RFX3: variants seen among roughly 807,000 people sequenced by gnomAD.
The protein encoded by RFX3 is regulatory factor X3.
RFX3 carries 14 observed loss-of-function variants against 98.6 expected under a neutral mutation model. That is an observed-to-expected ratio of 0.14 (90% CI 0.09 to 0.22). The LOEUF (loss-of-function observed/expected upper bound fraction) is 0.22. Ranked by LOEUF, RFX3 falls within the 10% of genes least tolerant of loss-of-function variation. The pLI, the probability that RFX3 is intolerant of heterozygous loss-of-function variation, is 1.00. For missense variants in RFX3, 639 were observed against 926.9 expected, an observed-to-expected ratio of 0.69 and a Z score of 4.03; for synonymous variants, 383 against 328.4, an observed-to-expected ratio of 1.17 and a Z score of -1.80.
In RFX3 at chr9:3,525,926, A is replaced by G; in HGVS notation, c.-188T>C. ...AGGCAACGGTTGCTATAACTCACAA[A>G]AGAGAGAGAGAGAGGGAGAGAGAGA... is the stretch of plus-strand genomic sequence containing the variant. On this transcript the variant is annotated 5_prime_UTR_variant, in exon 1 of 17. Transcript: ENST00000617270. 6.3e-6 allele frequency: 6 copies of G among 957,610 alleles called. No homozygotes were observed. The highest frequency in any genetic ancestry group is 7.4e-6 in the Non-Finnish European group (6 of 807,870). 59.3% of individuals were successfully genotyped at this position (957,610 alleles called of 1,614,324 possible). A position where few individuals can be genotyped will look rare whatever the true frequency, so the allele number is the denominator to read the frequency against.
intron 7 of RFX3, among the ~76,000 whole-genome samples, chr9:3,286,691 A>C (rs1201704054): frequency 1.3e-5 from 2 of 151,980 alleles, no homozygotes; most frequent in African/African-American, 4.8e-5. Context: ...GAACAAACTT[A>C]TTAGCTTTAC....
intron 1 of RFX3, among the ~76,000 whole-genome samples, chr9:3,442,395 G>C (rs1845683441): frequency 6.6e-6 from 1 of 151,710 alleles, no homozygotes; most frequent in South Asian, 2.1e-4. Context: ...CAAAATTGAA[G>C]GATACTCCAA....
At chr9:3,243,947 T>C (rs959396782) in intron 15 of RFX3, among the ~76,000 whole-genome samples, 1 of 152,148 alleles carries the variant, frequency 6.6e-6, no homozygotes, top group African/African-American at 2.4e-5. Flanking sequence ...TTGTGTGACC[T>C]TGGGCAAGTT....
intron 4 of RFX3, among the ~76,000 whole-genome samples, chr9:3,322,460 G>A (rs779428580): frequency 5.9e-5 from 9 of 152,180 alleles, no homozygotes; most frequent in South Asian, 4.2e-4. Context: ...GGCTGGGTGC[G>A]GTGGCTCAGG....
intron 1 of RFX3, among the ~76,000 whole-genome samples, chr9:3,428,745 C>G (rs888969876): frequency 2.6e-5 from 4 of 152,112 alleles, no homozygotes; most frequent in African/African-American, 9.7e-5. Flanking sequence ...CAAACTACAA[C>G]AGATTTAAAT....
chr9:3,437,965 A>G (rs1274290500), intron 1 of RFX3, among the ~76,000 whole-genome samples: 1 of 152,154 alleles, frequency 6.6e-6, no homozygotes, highest in Non-Finnish European at 1.5e-5. Context: ...AATGACGTAT[A>G]TATTTTCTTT....
chr9:3,263,469 T>A (rs1426512189), intron 12 of RFX3, among the ~76,000 whole-genome samples: 2 of 152,148 alleles, frequency 1.3e-5, no homozygotes, highest in African/African-American at 2.4e-5. Flanking sequence ...ACTAGGCAAA[T>A]TTTAAAAGTA....
intron 1 of RFX3, among the ~76,000 whole-genome samples, chr9:3,447,203 A>G (rs1289175543): frequency 1.3e-5 from 2 of 152,208 alleles, no homozygotes; most frequent in South Asian, 2.1e-4. Context: ...TTTCTGAAGA[A>G]TTAAAATGTC....
At chr9:3,308,655 T>C (rs1563900754) in intron 4 of RFX3, among the ~76,000 whole-genome samples, 1 of 152,114 alleles carries the variant, frequency 6.6e-6, no homozygotes, top group Non-Finnish European at 1.5e-5. Context: ...GGAACATAAA[T>C]AGAAAAATCA....
chr9:3,262,870 C>G, intron 13 of RFX3, 65 bp downstream of exon 13: 2 of 1,499,418 alleles, frequency 1.3e-6, no homozygotes, highest in Non-Finnish European at 1.8e-6. Flanking sequence ...TTTGATGATC[C>G]CAATTAAGAA....
intron 2 of RFX3, among the ~76,000 whole-genome samples, chr9:3,380,938 T>C (rs1294699402): frequency 6.6e-6 from 1 of 152,114 alleles, no homozygotes; most frequent in Admixed American, 6.6e-5. Context: ...TTTTTTCCCA[T>C]GATAAAGTTT....
rs1817362671 is a variant in RFX3, at chr9:3,221,996, G to A, written c.*3046C>T. 6.6e-6 allele frequency: 1 copy of A among 152,068 alleles called. No individual in the cohort carries two copies. Among genetic ancestry groups the A allele is most frequent in the Non-Finnish European group, 1.5e-5 (1 of 67,974 alleles). 9.4% of individuals were successfully genotyped at this position (152,068 alleles called of 1,614,324 possible). On this transcript the variant is annotated 3_prime_UTR_variant, in exon 17 of 17. Coordinates refer to ENST00000617270, the MANE Select transcript of RFX3 (RefSeq NM_001282116.2). ...GTGAATAAATCTGTTGAGTGTTAGT[G>A]TCTAATATTATTTAGAAAACCCACA...
At chr9:3,307,889 CTT>C (rs1056826460) in intron 4 of RFX3, among the ~76,000 whole-genome samples, 1 of 152,096 alleles carries the variant, frequency 6.6e-6, no homozygotes, top group African/African-American at 2.4e-5. Context: ...TCTCTTTTTC[CTT>C]TCTCTTAGAT....
chr9:3,264,125 T>C (rs1214633396), intron 12 of RFX3, among the ~76,000 whole-genome samples: 1 of 152,106 alleles, frequency 6.6e-6, no homozygotes, highest in Non-Finnish European at 1.5e-5. Context: ...ACTCTGTTTA[T>C]CCCCACCGTT....
intron 1 of RFX3, among the ~76,000 whole-genome samples, chr9:3,494,330 G>A (rs1169962791): frequency 1.3e-5 from 2 of 152,120 alleles, no homozygotes; most frequent in Non-Finnish European, 2.9e-5. Flanking sequence ...AATTTTTTGA[G>A]AATCCCAAAG....
chr9:3,261,953 C>A (rs914927013), intron 13 of RFX3, among the ~76,000 whole-genome samples: 1 of 152,026 alleles, frequency 6.6e-6, no homozygotes, highest in East Asian at 1.9e-4. Context: ...GTTTTCTTTG[C>A]GGAAATGTCT....
chr9:3,249,429 C>G (rs1821099225), intron 14 of RFX3, among the ~76,000 whole-genome samples: 1 of 152,048 alleles, frequency 6.6e-6, no homozygotes, highest in Non-Finnish European at 1.5e-5. Context: ...GAAAACAAAA[C>G]ATTGCCTTTA....
intron 2 of RFX3, among the ~76,000 whole-genome samples, chr9:3,379,320 G>C (rs1838917746): frequency 6.6e-6 from 1 of 152,182 alleles, no homozygotes; most frequent in Admixed American, 6.5e-5. Flanking sequence ...CTGGGGTCAT[G>C]ACTGCTGACC....
intron 1 of RFX3, among the ~76,000 whole-genome samples, chr9:3,416,105 G>A (rs16918181): frequency 0.037 from 5,662 of 152,274 alleles, 370 homozygotes; most frequent in African/African-American, 0.13. Flanking sequence ...TTACTTGGGA[G>A]TCAGCCAATT....
Sources: allele counts gnomAD v4.1 joint callset (sites outside exome capture counted in the v4.1 genomes callset), GRCh38; gene constraint gnomAD v4.1.1; transcripts MANE v1.5; gene names NCBI Gene and HGNC (gene_info 2026-07-23, HGNC 2026-07-21).